ICA1: variants seen among roughly 807,000 people sequenced by gnomAD.
ICA1 encodes the protein 69 kDa islet cell autoantigen.
In ICA1, 40 loss-of-function variants were observed where a neutral mutation model predicts 71.0. That is an observed-to-expected ratio of 0.56 (90% CI 0.44 to 0.73). The LOEUF is 0.73. Among genes scored for constraint, ICA1 ranks in the 30% least tolerant of loss-of-function variants. The pLI is 0.00. For missense variants in ICA1, 578 were observed against 576.5 expected, an observed-to-expected ratio of 1.00 and a Z score of -0.03; for synonymous variants, 207 against 209.5, an observed-to-expected ratio of 0.99 and a Z score of 0.10.
At chr7:8,182,560 A>G (rs914545484) in intron 6 of ICA1, among the ~76,000 whole-genome samples, 2 of 152,188 alleles carry the variant, frequency 1.3e-5, no homozygotes, top group African/African-American at 4.8e-5. Context: ...TTAAAGGGAC[A>G]CCCATTATCC....
chr7:8,237,152 T>C (rs998977081), intron 1 of ICA1, among the ~76,000 whole-genome samples: 19 of 152,202 alleles, frequency 1.2e-4, no homozygotes, highest in African/African-American at 4.3e-4. Context: ...AACATCTCTC[T>C]TCCTTGTGGA....
At chr7:8,201,592 G>C (rs1268345620) in intron 6 of ICA1, among the ~76,000 whole-genome samples, 2 of 152,216 alleles carry the variant, frequency 1.3e-5, no homozygotes, top group African/African-American at 4.8e-5. Flanking sequence ...TTGGCTCCAA[G>C]TAGGGTCAGC....
intron 6 of ICA1, among the ~76,000 whole-genome samples, chr7:8,160,536 A>T (rs771301591): frequency 1.3e-5 from 2 of 152,246 alleles, no homozygotes; most frequent in African/African-American, 2.4e-5. Flanking sequence ...CAGAATTATG[A>T]TTCTACCCAG....
intron 1 of ICA1, among the ~76,000 whole-genome samples, chr7:8,258,121 C>T (rs192272034): frequency 2.0e-5 from 3 of 152,314 alleles, no homozygotes; most frequent in Admixed American, 6.5e-5. Context: ...CCCTGGGCTG[C>T]ATTACCACCT....
At chr7:8,117,930 C>T (rs1473109586) in intron 13 of ICA1, among the ~76,000 whole-genome samples, 1 of 152,192 alleles carries the variant, frequency 6.6e-6, no homozygotes, top group African/African-American at 2.4e-5. Flanking sequence ...TTAGTTTACA[C>T]TTTCATCTCA....
chr7:8,256,525 G>A (rs572987419), intron 1 of ICA1, among the ~76,000 whole-genome samples: 1 of 152,186 alleles, frequency 6.6e-6, no homozygotes, highest in African/African-American at 2.4e-5. Context: ...GCCTAACTTA[G>A]AATTTACATC....
chr7:8,146,123 T>C (rs1045760808), intron 8 of ICA1, among the ~76,000 whole-genome samples: 2 of 152,180 alleles, frequency 1.3e-5, no homozygotes, highest in African/African-American at 4.8e-5. Flanking sequence ...ACAGGTGCTG[T>C]TGGGTGCTTT....
rs1262624462 is a variant in ICA1 at position 8,223,721 on chromosome 7, A to G, written c.257-2323T>C. On this transcript the variant is annotated intron_variant, in intron 4 of 13. Transcript: ENST00000402384. This position sits in a 1 kb window ranked among gnomAD's most constrained non-coding sequence, Gnocchi z 4.1. ...GGCAGGAGGATTGCTTGATACTAGGAGTTCAAGACCAGCCTGTGCAACATA... is the reference window on the plus strand; with the variant it reads ...GGCAGGAGGATTGCTTGATACTAGGGGTTCAAGACCAGCCTGTGCAACATA... Among the ~76,000 whole-genome samples the G allele has an allele frequency of 6.6e-6, 1 of 152,106 alleles. No individual in the cohort carries two copies. Among genetic ancestry groups the G allele is most frequent in the Admixed American group, 6.6e-5 (1 of 15,258 alleles).
intron 2 of ICA1, among the ~76,000 whole-genome samples, chr7:8,235,001 T>C (rs1173893108): frequency 6.6e-6 from 1 of 151,984 alleles, no homozygotes; most frequent in Non-Finnish European, 1.5e-5. Context: ...CCGTCTGTAC[T>C]AAAAATACAA....
At chr7:8,114,067 G>T in intron 13 of ICA1, 23 bp from the exon 14 acceptor site, 1 of 1,614,014 alleles carries the variant, frequency 6.2e-7, no homozygotes, top group South Asian at 1.1e-5. Flanking sequence ...GAGGAAACAT[G>T]AGCAAACGCA....
intron 6 of ICA1, among the ~76,000 whole-genome samples, chr7:8,176,518 C>T (rs1780674726): frequency 6.6e-6 from 1 of 152,146 alleles, no homozygotes; most frequent in African/African-American, 2.4e-5. Context: ...CTCTAAGCTG[C>T]ACGAAGGGGG....
chr7:8,177,475 A>C (rs111757223), intron 6 of ICA1, among the ~76,000 whole-genome samples: 1 of 152,312 alleles, frequency 6.6e-6, no homozygotes, highest in Admixed American at 6.5e-5. Flanking sequence ...ATTTCTCTCT[A>C]ATCTGAGAAG....
At chr7:8,114,979 G>A (rs1784331085) in intron 13 of ICA1, 1 of 152,172 alleles carries the variant, frequency 6.6e-6, no homozygotes, top group Admixed American at 6.5e-5. Flanking sequence ...AGAGTCTCAG[G>A]AAGTGTTGGT....
Position 8,257,873 on chromosome 7 carries a change from T to C in ICA1, c.-80+4221A>G, listed in dbSNP as rs114756669. ...CCACTCAGCTAGTAAGGGACACACATAGACACTGGGCTCCAGACACGAGGA... is the reference window on the plus strand; with the variant it reads ...CCACTCAGCTAGTAAGGGACACACACAGACACTGGGCTCCAGACACGAGGA... On this transcript the variant is annotated intron_variant, in intron 1 of 13. Coordinates refer to ENST00000402384, the MANE Select transcript of ICA1 (RefSeq NM_001136020.3). Among the ~76,000 whole-genome samples the C allele has an allele frequency of 5.2e-3, 792 of 152,276 alleles. 8 individuals carry two copies. The highest frequency in any genetic ancestry group is 0.016 in the African/African-American group (681 of 41,560).
rs183343236 is a variant in ICA1 at position 8,234,831 on chromosome 7, A to G, written c.17+1079T>C. 9.2e-5 allele frequency among the ~76,000 whole-genome samples: 14 copies of G among 152,332 alleles called. No individual in the cohort carries two copies. Among genetic ancestry groups the G allele is most frequent in the Admixed American group, 7.2e-4 (11 of 15,302 alleles). ...TTGGAAGGATACACTCCAAAGACTG[A>G]TTATTTTAGGGGAATGGCATTCTCA... is the stretch of plus-strand genomic sequence containing the variant. On this transcript the variant is annotated intron_variant, in intron 2 of 13. Transcript: ENST00000402384. The surrounding 1 kb of genome is among the most constrained non-coding windows in gnomAD (Gnocchi z 4.5).
At chr7:8,248,415 T>C (rs543851216) in intron 1 of ICA1, among the ~76,000 whole-genome samples, 17 of 152,316 alleles carry the variant, frequency 1.1e-4, no homozygotes, top group African/African-American at 3.6e-4. Context: ...GGGCCATTTT[T>C]TCCCCCATAA....
intron 1 of ICA1, among the ~76,000 whole-genome samples, chr7:8,253,900 G>A (rs1208067887): frequency 6.6e-6 from 1 of 152,034 alleles, no homozygotes; most frequent in Non-Finnish European, 1.5e-5. Flanking sequence ...ATGAATGTGG[G>A]GACTATAATT....
chr7:8,250,202 T>C (rs981498036), intron 1 of ICA1, among the ~76,000 whole-genome samples: 2 of 152,244 alleles, frequency 1.3e-5, no homozygotes, highest in Non-Finnish European at 2.9e-5. Context: ...TCTCTGTCAC[T>C]TCCTCTTATG....
chr7:8,205,036 T>C (rs933571613), intron 6 of ICA1, among the ~76,000 whole-genome samples: 2 of 143,892 alleles, frequency 1.4e-5, no homozygotes, highest in Non-Finnish European at 3.0e-5. Context: ...TTTCACATCA[T>C]GACTTTTAGC....
Sources: allele counts gnomAD v4.1 joint callset (sites outside exome capture counted in the v4.1 genomes callset), GRCh38; gene constraint gnomAD v4.1.1; non-coding constraint Gnocchi (gnomAD v3.1); transcripts MANE v1.5; gene names NCBI Gene and HGNC (gene_info 2026-07-23, HGNC 2026-07-21).